Variants in PTPRT observed in about 807,000 individuals in gnomAD.
PTPRT encodes receptor-type tyrosine-protein phosphatase T.
A neutral mutation model predicts 176.8 loss-of-function variants in PTPRT; 56 were observed. The ratio of observed to expected loss-of-function variants is 0.32; its 90% confidence interval spans 0.26 to 0.40. The LOEUF (loss-of-function observed/expected upper bound fraction) is 0.40, where lower values mean the gene tolerates loss of function less well. Ranked by LOEUF, PTPRT falls within the 10% of genes least tolerant of loss-of-function variation. PTPRT has a pLI of 1.00. For missense variants in PTPRT, 1,540 were observed against 1,908.2 expected, an observed-to-expected ratio of 0.81 and a Z score of 3.60; for synonymous variants, 783 against 739.0, an observed-to-expected ratio of 1.06 and a Z score of -0.96.
At chr20:42,648,764 A>T (rs2074963614) in intron 7 of PTPRT, among the ~76,000 whole-genome samples, 1 of 149,922 alleles carries the variant, frequency 6.7e-6, no homozygotes, top group South Asian at 2.1e-4. Context: ...TGATAAAGAC[A>T]TACCTAAGAG....
At chr20:42,362,892 G>T (rs1398394479) in intron 9 of PTPRT, among the ~76,000 whole-genome samples, 1 of 151,774 alleles carries the variant, frequency 6.6e-6, no homozygotes, top group Non-Finnish European at 1.5e-5. Context: ...GATCATCTGG[G>T]GTCAGGAGTT....
At chr20:42,332,590 T>A (rs2057981761) in intron 11 of PTPRT, among the ~76,000 whole-genome samples, 1 of 152,230 alleles carries the variant, frequency 6.6e-6, no homozygotes, top group Non-Finnish European at 1.5e-5. Context: ...TGTTAATTCT[T>A]GAAAGAATGA....
chr20:42,114,348 T>C (rs1987163967), intron 22 of PTPRT, among the ~76,000 whole-genome samples: 1 of 152,254 alleles, frequency 6.6e-6, no homozygotes, highest in Admixed American at 6.5e-5. Flanking sequence ...TGAGTTACTC[T>C]ACGCAAAGCA....
chr20:42,604,755 A>G (rs1291163723), intron 7 of PTPRT, among the ~76,000 whole-genome samples: 2 of 152,140 alleles, frequency 1.3e-5, no homozygotes. Flanking sequence ...GATGTTCTAT[A>G]TCTCTCTTCT....
At chr20:42,566,474 A>G (rs2073041802) in intron 7 of PTPRT, among the ~76,000 whole-genome samples, 1 of 152,208 alleles carries the variant, frequency 6.6e-6, no homozygotes, top group South Asian at 2.1e-4. Flanking sequence ...AGCAAAACTG[A>G]GCAGAAGATT....
intron 9 of PTPRT, among the ~76,000 whole-genome samples, chr20:42,360,345 A>T (rs1259933304): frequency 6.6e-6 from 1 of 152,022 alleles, no homozygotes; most frequent in Non-Finnish European, 1.5e-5. Flanking sequence ...CATGAGAGGG[A>T]TATTCTGAGA....
At chr20:42,441,713 A>T (rs140722542) in intron 9 of PTPRT, among the ~76,000 whole-genome samples, 276 of 152,318 alleles carry the variant, frequency 1.8e-3, no homozygotes, top group Non-Finnish European at 3.0e-3. Flanking sequence ...TATTTTGGCA[A>T]GAGAAATAAT....
rs540575163 is a variant in PTPRT, at chr20:42,872,773, G to C, written c.214+13034C>G. Among the ~76,000 whole-genome samples, 14 of 152,316 alleles carry C rather than the reference G, an allele frequency of 9.2e-5. No homozygotes were observed. In the East Asian group the frequency reaches 1.5e-3, roughly 17 times the overall value. On this transcript the variant is annotated intron_variant, in intron 2 of 30. Coordinates refer to ENST00000373187, the MANE Select transcript of PTPRT (RefSeq NM_007050.6). The stretch of plus-strand genomic sequence containing the variant: ...AAGGTCACAGAGCAAGTTAATGGCA[G>C]AGCTAGGACAGAATCCAGGACTCCT...
intron 3 of PTPRT, among the ~76,000 whole-genome samples, chr20:42,790,316 CTG>C (rs2077355124): frequency 6.6e-6 from 1 of 151,744 alleles, no homozygotes; most frequent in Non-Finnish European, 1.5e-5. Context: ...TGGTGCCAAT[CTG>C]TGCGCTGTGT....
At chr20:43,091,492 TTTCTC>T (rs2011860553) in intron 1 of PTPRT, among the ~76,000 whole-genome samples, 1 of 121,720 alleles carries the variant, frequency 8.2e-6, no homozygotes, top group Non-Finnish European at 1.7e-5. Flanking sequence ...TCTCTCTCTA[TTTCTC>T]TCTCTCTCTC....
At chr20:42,739,689 C>T (rs2076580446) in intron 6 of PTPRT, among the ~76,000 whole-genome samples, 3 of 152,178 alleles carry the variant, frequency 2.0e-5, no homozygotes, top group Admixed American at 6.5e-5. Context: ...AAATGGGTTT[C>T]CATCAGTGTG....
chr20:42,775,543 GA>G (rs1224235224), intron 4 of PTPRT, among the ~76,000 whole-genome samples: 3 of 152,190 alleles, frequency 2.0e-5, no homozygotes, highest in Admixed American at 2.0e-4. Context: ...ACTAAGGATA[GA>G]ATACTTTTAG....
intron 1 of PTPRT, among the ~76,000 whole-genome samples, chr20:43,039,538 T>C (rs759870685): frequency 2.0e-5 from 3 of 152,068 alleles, no homozygotes; most frequent in African/African-American, 2.4e-5. Flanking sequence ...GCCTTTCTGA[T>C]GATGCCATGA....
intron 7 of PTPRT, among the ~76,000 whole-genome samples, chr20:42,674,060 C>T (rs1055815768): frequency 1.3e-5 from 2 of 152,044 alleles, no homozygotes; most frequent in African/African-American, 2.4e-5. Context: ...ACATTTCCAG[C>T]GTGATTAATA....
intron 6 of PTPRT, among the ~76,000 whole-genome samples, chr20:42,742,861 C>T (rs1321133447): frequency 6.6e-6 from 1 of 152,142 alleles, no homozygotes; most frequent in Admixed American, 6.5e-5. Context: ...TGCAGAGTTG[C>T]ATTCAGCAAC....
At chr20:42,699,887 A>C (rs2075948568) in intron 6 of PTPRT, among the ~76,000 whole-genome samples, 2 of 152,184 alleles carry the variant, frequency 1.3e-5, no homozygotes, top group South Asian at 4.1e-4. Flanking sequence ...TAAGCCCACA[A>C]ACTAATTTGG....
chr20:42,583,493 T>C (rs1329983682), intron 7 of PTPRT, among the ~76,000 whole-genome samples: 1 of 152,154 alleles, frequency 6.6e-6, no homozygotes, highest in Non-Finnish European at 1.5e-5. Context: ...GGCCTTGTCA[T>C]GGCTGAACAC....
chr20:42,403,000 T>C (rs946816929), intron 9 of PTPRT, among the ~76,000 whole-genome samples: 4 of 152,192 alleles, frequency 2.6e-5, no homozygotes, highest in Non-Finnish European at 5.9e-5. Flanking sequence ...CATTATTTAA[T>C]TATTCTCAAT....
intron 11 of PTPRT, among the ~76,000 whole-genome samples, chr20:42,320,739 G>T (rs1330770864): frequency 1.3e-5 from 2 of 152,046 alleles, no homozygotes; most frequent in Non-Finnish European, 2.9e-5. Flanking sequence ...GGGAGCTCTG[G>T]AGCATAAATT....
Sources: gnomAD v4.1 joint callset for allele counts (sites outside exome capture counted in the v4.1 genomes callset) on GRCh38, gnomAD v4.1.1 for gene constraint, MANE v1.5 for transcripts, NCBI Gene and HGNC (gene_info 2026-07-23, HGNC 2026-07-21) for gene names.